The following SIPA1L1 variants were observed in gnomAD, a reference collection of about 807,000 sequenced individuals.
SIPA1L1 encodes signal-induced proliferation-associated 1-like protein 1.
SIPA1L1 carries 26 observed loss-of-function variants against 162.7 expected under a neutral mutation model. The observed-to-expected ratio is 0.16, with a 90% CI of 0.12 to 0.22. The LOEUF is 0.22. SIPA1L1 is among the 10% of genes least tolerant of loss of function. The pLI is 1.00. For missense variants in SIPA1L1, 1,874 were observed against 2,241.0 expected (o/e 0.84, Z 3.31); for synonymous variants, 829 against 837.4 (o/e 0.99, Z 0.17).
chr14:71,362,443 G>A (rs1217279602), intron 2 of SIPA1L1, among the ~76,000 whole-genome samples: 3 of 152,194 alleles, frequency 2.0e-5, no homozygotes, highest in African/African-American at 7.2e-5. Flanking sequence ...GGTTTGAGCT[G>A]AAGTTGTGTG....
intron 16 of SIPA1L1, 28 bp from the exon 17 acceptor site, chr14:71,709,194 A>T: frequency 1.9e-6 from 3 of 1,567,666 alleles, no homozygotes; most frequent in Non-Finnish European, 2.6e-6. Context: ...AAAACTTTGC[A>T]CTCAAATAAA....
intron 3 of SIPA1L1, among the ~76,000 whole-genome samples, chr14:71,525,632 C>G (rs866549646): frequency 1.3e-5 from 2 of 152,206 alleles, no homozygotes; most frequent in African/African-American, 4.8e-5. Context: ...ATCATTGCCA[C>G]GTTTGCTACT....
Position 71,650,435 on chromosome 14 carries a change from A to C in SIPA1L1, c.1919A>C (p.Glu640Ala). The C allele has an allele frequency of 6.2e-7, 1 of 1,613,928 alleles. No individual in the cohort carries two copies. The highest frequency in any genetic ancestry group is 8.5e-7 in the Non-Finnish European group (1 of 1,179,760). Residue 640 changes from glutamate (E) to alanine (A), a missense_variant, in exon 8 of 24, where the codon GAA (glutamate) becomes GCA (alanine). Glu to Ala is a moderately radical substitution (Grantham distance 107). Around this residue, in one of 5 missense-constraint regions of SIPA1L1, gnomAD observed 685 missense variants for 828.0 expected, o/e 0.83. Transcript: ENST00000381232. ...GAGTCAGCTGGCCCAGCCTTTGAAG[A>C]ATTTCTTCAACTATTGGGAGAGCGA... The part of the protein sequence containing the change: ...NNESAGPAFE[E>A]FLQLLGERVR...
chr14:71,658,166 A>G (rs1162678584), intron 8 of SIPA1L1, among the ~76,000 whole-genome samples, 167 bp from the exon 9 acceptor site: 1 of 151,982 alleles, frequency 6.6e-6, no homozygotes. Flanking sequence ...CTAGACTGCC[A>G]AAGAGGATCA....
At chr14:71,383,395 T>C (rs961656542) in intron 2 of SIPA1L1, among the ~76,000 whole-genome samples, 40 of 152,188 alleles carry the variant, frequency 2.6e-4, no homozygotes, top group Non-Finnish European at 1.5e-5. Flanking sequence ...TAATTTAATA[T>C]ATTGGAAGAT....
intron 2 of SIPA1L1, among the ~76,000 whole-genome samples, chr14:71,378,130 CTA>C (rs2039583791): frequency 2.0e-5 from 3 of 151,626 alleles, no homozygotes; most frequent in Non-Finnish European, 4.4e-5. Context: ...ATCACTCTAA[CTA>C]AAAGTGTGTC....
intron 2 of SIPA1L1, among the ~76,000 whole-genome samples, chr14:71,409,354 C>G (rs2042245768): frequency 6.6e-6 from 1 of 151,992 alleles, no homozygotes; most frequent in Non-Finnish European, 1.5e-5. Flanking sequence ...TTTGTTTTGC[C>G]AGGCCACCCC....
At chr14:71,692,495 G>A (rs961623944) in intron 13 of SIPA1L1, among the ~76,000 whole-genome samples, 2 of 152,226 alleles carry the variant, frequency 1.3e-5, no homozygotes, top group Admixed American at 6.5e-5. Flanking sequence ...GAAGGCTCCT[G>A]TTTTCCACTC....
chr14:71,421,691 C>A (rs2043197486), intron 2 of SIPA1L1, among the ~76,000 whole-genome samples: 1 of 152,150 alleles, frequency 6.6e-6, no homozygotes, highest in Non-Finnish European at 1.5e-5. Flanking sequence ...CTCCTTGACT[C>A]CCTCCCTCCC....
rs11405671 is a variant in SIPA1L1, at chr14:71,345,575, C to CTT, written c.-465+24409_-465+24410dup. 2.9e-3 allele frequency among the ~76,000 whole-genome samples: 408 copies of CTT among 139,026 alleles called. 6 individuals are homozygous for CTT. The Middle Eastern group carries it at 0.038, about 13-fold the overall frequency. The allele number at this position is 139,026 out of a possible 152,430, so 91.2% of individuals were successfully genotyped here. A position where few individuals can be genotyped will look rare whatever the true frequency, so the allele number is the denominator to read the frequency against. ...AACTTGATTTTTCCCACAGCTTACT[C>CTT]TTTTTTTTTTTTTTTTGAGATGGAG... is the stretch of plus-strand genomic sequence containing the variant. On this transcript the variant is annotated intron_variant, in intron 2 of 23. Transcript: ENST00000381232.
chr14:71,470,695 TGA>T (rs1220932780), intron 2 of SIPA1L1, among the ~76,000 whole-genome samples: 2 of 152,066 alleles, frequency 1.3e-5, no homozygotes, highest in African/African-American at 4.8e-5. Context: ...ATTTATAAAA[TGA>T]GAGTGTTGGG....
rs867259054 is a variant in SIPA1L1, at chr14:71,377,303, C to A, written c.-465+56122C>A. 2.6e-4 allele frequency among the ~76,000 whole-genome samples: 40 copies of A among 151,410 alleles called. 1 individual carries two copies. Among genetic ancestry groups the A allele is most frequent in the Middle Eastern group, 6.9e-3 (2 of 290 alleles). ...GGCGTTCTCCACTTCTCAGACAGGG[C>A]GGCTGCCGGGTGGAGGGGCTCCTCA... is the stretch of plus-strand genomic sequence containing the variant. On this transcript the variant is annotated intron_variant, in intron 2 of 23. Coordinates refer to ENST00000381232, the MANE Select transcript of SIPA1L1 (RefSeq NM_001386936.1). This position sits in a 1 kb window ranked among gnomAD's most constrained non-coding sequence, Gnocchi z 4.8.
intron 2 of SIPA1L1, among the ~76,000 whole-genome samples, chr14:71,493,281 A>G (rs1053990802): frequency 1.3e-5 from 2 of 151,872 alleles, no homozygotes; most frequent in Non-Finnish European, 2.9e-5. Context: ...TTTTGGAGTG[A>G]TGGGGTTTCA....
At chr14:71,351,485 C>T (rs2036702247) in intron 2 of SIPA1L1, among the ~76,000 whole-genome samples, 1 of 152,192 alleles carries the variant, frequency 6.6e-6, no homozygotes, top group African/African-American at 2.4e-5. Flanking sequence ...TGCTTCTAAA[C>T]TCAGTATGAG....
chr14:71,510,174 C>A (rs866665458), intron 2 of SIPA1L1, among the ~76,000 whole-genome samples: 4 of 145,026 alleles, frequency 2.8e-5, no homozygotes, highest in South Asian at 2.2e-4. Context: ...TAATCCCCCC[C>A]ACCTTTTTTT....
chr14:71,733,856 C>G, intron 21 of SIPA1L1, 44 bp downstream of exon 21: 2 of 1,589,182 alleles, frequency 1.3e-6, no homozygotes, highest in South Asian at 2.3e-5. Flanking sequence ...GATCCTGCAG[C>G]GGAGTGAGCA....
chr14:71,502,055 AT>A (rs1258665140), intron 2 of SIPA1L1, among the ~76,000 whole-genome samples: 1 of 147,366 alleles, frequency 6.8e-6, no homozygotes. Flanking sequence ...AAAAAAAAAA[AT>A]CTTCATTGAA....
Position 71,740,279 on chromosome 14 carries a change from A to C in SIPA1L1, c.*1118A>C, listed in dbSNP as rs920453661. Reference sequence around the variant, plus strand: ...CCTGCATGTCCCAGTGTGAAATTTCAGCACGGCATTTTCTGCATCCTTTCA... The same window carrying C: ...CCTGCATGTCCCAGTGTGAAATTTCCGCACGGCATTTTCTGCATCCTTTCA... On this transcript the variant is annotated 3_prime_UTR_variant, in exon 24 of 24. Coordinates refer to ENST00000381232, the MANE Select transcript of SIPA1L1 (RefSeq NM_001386936.1). 6.6e-6 allele frequency: 1 copy of C among 152,244 alleles called. No individual in the cohort carries two copies. The highest frequency in any genetic ancestry group is 2.1e-4 in the South Asian group (1 of 4,836). The allele number at this position is 152,244 out of a possible 1,614,324, so 9.4% of individuals were successfully genotyped here.
At chr14:71,563,693 G>A (rs184196676) in intron 4 of SIPA1L1, among the ~76,000 whole-genome samples, 1 of 152,092 alleles carries the variant, frequency 6.6e-6, no homozygotes, top group African/African-American at 2.4e-5. Flanking sequence ...TTCTGCTATA[G>A]CACACACTAT....
Sources: allele counts gnomAD v4.1 joint callset (sites outside exome capture counted in the v4.1 genomes callset), GRCh38; gene constraint gnomAD v4.1.1; regional missense constraint gnomAD v4.1.1; non-coding constraint Gnocchi (gnomAD v3.1); transcripts MANE v1.5; gene names NCBI Gene and HGNC (gene_info 2026-07-23, HGNC 2026-07-21).